Variants in SLC25A20 observed in about 807,000 individuals in gnomAD.
The protein encoded by SLC25A20 is mitochondrial carnitine/acylcarnitine carrier protein.
In SLC25A20, 29 loss-of-function variants were observed where a neutral mutation model predicts 39.7. The ratio of observed to expected loss-of-function variants is 0.73; its 90% CI spans 0.54 to 1.00. The LOEUF is 1.00. Ranked by LOEUF, SLC25A20 falls within the 50% of genes least tolerant of loss-of-function variation. SLC25A20 has a pLI of 0.00. For synonymous variants in SLC25A20, 103 were observed against 142.2 expected, an observed-to-expected ratio of 0.72 and a Z score of 1.96; for missense variants, 333 against 379.9, an observed-to-expected ratio of 0.88 and a Z score of 1.03.
chr3:48,893,241 T>C (rs1004979584), intron 1 of SLC25A20, among the ~76,000 whole-genome samples: 1 of 152,048 alleles, frequency 6.6e-6, no homozygotes, highest in African/African-American at 2.4e-5. Context: ...TTGCTCTATA[T>C]CTAACTTTTT....
In SLC25A20 at chr3:48,884,063, G is replaced by A. The variant is rs749507449; in HGVS notation, c.260C>T (p.Ala87Val). 2.9e-5 allele frequency: 47 copies of A among 1,613,820 alleles called. No homozygotes were observed. The highest frequency in any genetic ancestry group is 3.8e-5 in the Non-Finnish European group (45 of 1,179,922). The change falls in exon 3 of 9, where the codon GCC (alanine) becomes GTC (valine). Residue 87 changes from alanine to valine, a missense_variant. By Grantham distance (64) the Ala-to-Val change is moderately conservative. Transcript: ENST00000319017. ...APIIGVTPMF[A>V]VCFFGFGLGK... ...CAAACCAAACCCAAAGAAGCACACG[G>A]CAAACATGGGAGTGACCCCGATGAT...
At chr3:48,889,564 C>G (rs2083858021) in intron 2 of SLC25A20, among the ~76,000 whole-genome samples, 1 of 151,330 alleles carries the variant, frequency 6.6e-6, no homozygotes, top group Non-Finnish European at 1.5e-5. Flanking sequence ...GATCCAGATG[C>G]AGGTGTACAT....
At chr3:48,889,692 G>A (rs2083859383) in intron 2 of SLC25A20, among the ~76,000 whole-genome samples, 2 of 152,042 alleles carry the variant, frequency 1.3e-5, no homozygotes, top group Admixed American at 1.3e-4. Flanking sequence ...AGGTGCCGAG[G>A]CAACAGACTG....
At chr3:48,865,538 G>A (rs2083660240) in intron 4 of SLC25A20, among the ~76,000 whole-genome samples, 1 of 146,672 alleles carries the variant, frequency 6.8e-6, no homozygotes, top group Non-Finnish European at 1.5e-5. Context: ...GAAGTGGCCA[G>A]ATCACTTGAG....
rs1409308946 is a variant in SLC25A20 at position 48,856,965 on chromosome 3, G to A, written c.*745C>T. ...ACGTTTATTGTTTATTGTTAAAATA[G>A]TGAGCTCTCATGAGAAAAGAGTATG... On this transcript the variant is annotated 3_prime_UTR_variant, in exon 9 of 9. Coordinates refer to ENST00000319017, the MANE Select transcript of SLC25A20 (RefSeq NM_000387.6). 6.6e-6 allele frequency: 1 copy of A among 152,168 alleles called. No homozygotes were observed. The highest frequency in any genetic ancestry group is 1.5e-5 in the Non-Finnish European group (1 of 68,052). The allele number at this position is 152,168 out of a possible 1,614,324, so 9.4% of individuals were successfully genotyped here.
At chr3:48,859,068 T>A in intron 7 of SLC25A20, 24 bp downstream of exon 7, 5 of 1,594,024 alleles carry the variant, frequency 3.1e-6, no homozygotes, top group Non-Finnish European at 3.4e-6. Flanking sequence ...TCTCCCCCTG[T>A]CCACCCCACT....
intron 2 of SLC25A20, among the ~76,000 whole-genome samples, chr3:48,887,994 A>C (rs2106661914): frequency 6.6e-6 from 1 of 151,066 alleles, no homozygotes; most frequent in South Asian, 2.1e-4. Context: ...AGATCACCTG[A>C]GCTCAGGAGA....
At chr3:48,895,688 A>G (rs1392677697) in intron 1 of SLC25A20, 1 of 435,062 alleles carries the variant, frequency 2.3e-6, no homozygotes, top group Non-Finnish European at 4.7e-6. Context: ...CTCTCTGGGC[A>G]ACAGAGGTGA....
chr3:48,871,731 C>T (rs1216379884), intron 4 of SLC25A20, among the ~76,000 whole-genome samples: 1 of 147,378 alleles, frequency 6.8e-6, no homozygotes, highest in Non-Finnish European at 1.5e-5. Context: ...CGCACCATTG[C>T]ACTCCAGCCT....
At chr3:48,879,507 C>T (rs775795505) in intron 3 of SLC25A20, 59 bp from the exon 4 acceptor site, 12 of 1,114,480 alleles carry the variant, frequency 1.1e-5, no homozygotes, top group Admixed American at 1.7e-5. Flanking sequence ...AGGACAGAGG[C>T]CAATCCCAGC....
chr3:48,858,742 G>T, intron 7 of SLC25A20, 111 bp from the exon 8 acceptor site: 1 of 1,323,028 alleles, frequency 7.6e-7, no homozygotes, highest in South Asian at 1.2e-5. Context: ...GGTCATGTGG[G>T]ACCAGTCCAT....
chr3:48,863,493 C>T (rs1025379117), intron 4 of SLC25A20, among the ~76,000 whole-genome samples: 2 of 152,128 alleles, frequency 1.3e-5, no homozygotes, highest in African/African-American at 2.4e-5. Flanking sequence ...AGCCAAGAAC[C>T]TGGGGGTAGG....
At chr3:48,865,078 T>C (rs780847545) in intron 4 of SLC25A20, among the ~76,000 whole-genome samples, 1 of 152,020 alleles carries the variant, frequency 6.6e-6, no homozygotes, top group Non-Finnish European at 1.5e-5. Context: ...AGCATCCACA[T>C]AGAAATGTTG....
chr3:48,859,517 G>T, intron 6 of SLC25A20, 38 bp downstream of exon 6: 1 of 1,548,598 alleles, frequency 6.5e-7, no homozygotes, highest in South Asian at 1.1e-5. Context: ...ACGCACCCAT[G>T]ACTGGGGAAA....
intron 1 of SLC25A20, among the ~76,000 whole-genome samples, chr3:48,893,860 A>G (rs1478082925): frequency 6.7e-6 from 1 of 148,220 alleles, no homozygotes; most frequent in African/African-American, 2.6e-5. Context: ...AAGAAAAAAA[A>G]AAAAAAAAAA....
intron 4 of SLC25A20, among the ~76,000 whole-genome samples, chr3:48,865,419 C>T (rs769448933): frequency 3.3e-5 from 5 of 149,644 alleles, no homozygotes; most frequent in Non-Finnish European, 7.4e-5. Context: ...AGCCACAGCG[C>T]CCACAGAGAT....
intron 5 of SLC25A20, among the ~76,000 whole-genome samples, chr3:48,859,972 G>A (rs1470938757): frequency 6.6e-6 from 1 of 152,130 alleles, no homozygotes; most frequent in Non-Finnish European, 1.5e-5. Context: ...TTCGAGACCA[G>A]TCTGGCCAAT....
At chr3:48,867,611 T>G (rs1255244044) in intron 4 of SLC25A20, among the ~76,000 whole-genome samples, 1 of 149,992 alleles carries the variant, frequency 6.7e-6, no homozygotes, top group Non-Finnish European at 1.5e-5. Flanking sequence ...TTATTCCTGA[T>G]GAGAATGATC....
chr3:48,867,411 A>ATTTTTTTTTTTTTTT (rs58122933), intron 4 of SLC25A20, among the ~76,000 whole-genome samples: 2 of 108,382 alleles, frequency 1.8e-5, no homozygotes, highest in African/African-American at 3.4e-5. Context: ...TGCCTGGGTA[A>ATTTTTTTTTTTTTTT]TTTTTTTTTT....
Sources: allele counts gnomAD v4.1 joint callset (sites outside exome capture counted in the v4.1 genomes callset), GRCh38; gene constraint gnomAD v4.1.1; transcripts MANE v1.5; gene names NCBI Gene and HGNC (gene_info 2026-07-23, HGNC 2026-07-21).